FHIT: variants seen among roughly 807,000 people sequenced by gnomAD.
The protein encoded by FHIT is fragile histidine triad diadenosine triphosphatase.
FHIT carries 19 observed loss-of-function variants against 17.9 expected under a neutral mutation model. The ratio of observed to expected loss-of-function variants is 1.06; its 90% confidence interval spans 0.74 to 1.56. The LOEUF (loss-of-function observed/expected upper bound fraction) is 1.56. Ranked by LOEUF, FHIT falls within the 40% of genes most tolerant of loss-of-function variation. The probability of loss-of-function intolerance (pLI) is 0.00; values close to 1 mark genes in which losing one functional copy is unlikely to be tolerated. For synonymous variants in FHIT, 81 were observed against 69.7 expected, an observed-to-expected ratio of 1.16 and a Z score of -0.81; for missense variants, 248 against 189.2, an observed-to-expected ratio of 1.31 and a Z score of -1.82.
chr3:61,235,339 G>A (rs1471184370), intron 1 of FHIT, among the ~76,000 whole-genome samples: 2 of 151,936 alleles, frequency 1.3e-5, no homozygotes, highest in Admixed American at 1.3e-4. Context: ...GATAATACAA[G>A]TATCGACTCC....
chr3:60,939,353 A>T (rs1407692134), intron 3 of FHIT, among the ~76,000 whole-genome samples: 1 of 152,176 alleles, frequency 6.6e-6, no homozygotes, highest in Non-Finnish European at 1.5e-5. Flanking sequence ...TGCTCTCATC[A>T]TTAACAGCAG....
intron 8 of FHIT, among the ~76,000 whole-genome samples, chr3:59,845,893 T>C (rs749164791): frequency 1.1e-4 from 16 of 152,178 alleles, no homozygotes; most frequent in Non-Finnish European, 2.1e-4. Context: ...CTGATATTAG[T>C]ATAGCCAACT....
intron 5 of FHIT, among the ~76,000 whole-genome samples, chr3:60,071,356 A>G (rs577310194): frequency 6.6e-5 from 10 of 152,300 alleles, no homozygotes; most frequent in Admixed American, 6.5e-4. Flanking sequence ...AATTTCTTTT[A>G]CTTTTTATGG....
chr3:60,096,785 G>C (rs1703967872), intron 5 of FHIT, among the ~76,000 whole-genome samples: 1 of 152,074 alleles, frequency 6.6e-6, no homozygotes, highest in Non-Finnish European at 1.5e-5. Context: ...GAGTGTCATG[G>C]AATGTTTACA....
intron 5 of FHIT, among the ~76,000 whole-genome samples, chr3:60,421,281 T>C (rs932655981): frequency 2.0e-5 from 3 of 152,128 alleles, no homozygotes; most frequent in Non-Finnish European, 2.9e-5. Flanking sequence ...ACTGATTTAC[T>C]GTATCTAATC....
chr3:61,239,529 A>G (rs1028556875), intron 1 of FHIT, among the ~76,000 whole-genome samples: 1 of 152,032 alleles, frequency 6.6e-6, no homozygotes, highest in East Asian at 1.9e-4. Flanking sequence ...TTATCTCAAT[A>G]GGTTACTCAT....
At chr3:60,989,155 CATT>C (rs1422492820) in intron 3 of FHIT, among the ~76,000 whole-genome samples, 1 of 151,854 alleles carries the variant, frequency 6.6e-6, no homozygotes, top group Non-Finnish European at 1.5e-5. Flanking sequence ...TCTTCTAAGA[CATT>C]ATTTATTTAT....
intron 3 of FHIT, among the ~76,000 whole-genome samples, chr3:60,961,055 T>G (rs548639868): frequency 6.6e-6 from 1 of 152,344 alleles, no homozygotes; most frequent in African/African-American, 2.4e-5. Context: ...ACCAACAGTG[T>G]AAAAGTTTTC....
At chr3:61,201,204 G>A (rs17064638) in intron 1 of FHIT, among the ~76,000 whole-genome samples, 5,673 of 152,258 alleles carry the variant, frequency 0.037, 125 homozygotes, top group Admixed American at 0.067. Flanking sequence ...GTAGACTGCA[G>A]CCTTCTCTCG....
chr3:59,922,097 G>T (rs1242396953), intron 8 of FHIT, among the ~76,000 whole-genome samples: 2 of 152,094 alleles, frequency 1.3e-5, no homozygotes, highest in Non-Finnish European at 2.9e-5. Flanking sequence ...TAAATGACAG[G>T]ATAGAAATCA....
chr3:59,898,018 T>C (rs1202274377), intron 8 of FHIT, among the ~76,000 whole-genome samples: 4 of 152,080 alleles, frequency 2.6e-5, no homozygotes, highest in Non-Finnish European at 4.4e-5. Context: ...CTGCCCGCCT[T>C]GGCCTCCCAA....
At chr3:60,366,307 T>C (rs1433118361) in intron 5 of FHIT, among the ~76,000 whole-genome samples, 2 of 152,080 alleles carry the variant, frequency 1.3e-5, no homozygotes, top group Non-Finnish European at 2.9e-5. Flanking sequence ...TCATGAGTAG[T>C]AGAGATAGGG....
At chr3:60,136,077 G>C (rs548213551) in intron 5 of FHIT, among the ~76,000 whole-genome samples, 1 of 152,122 alleles carries the variant, frequency 6.6e-6, no homozygotes, top group South Asian at 2.1e-4. Flanking sequence ...ACAGAGTCTA[G>C]ACTTGCTCAT....
chr3:60,893,038 G>A (rs1553761043), intron 3 of FHIT, among the ~76,000 whole-genome samples: 2 of 152,144 alleles, frequency 1.3e-5, no homozygotes, highest in African/African-American at 4.8e-5. Context: ...TGGCACCTTG[G>A]CATTTTGAAT....
At chr3:60,030,384 A>T (rs1275922638) in intron 5 of FHIT, among the ~76,000 whole-genome samples, 3 of 152,162 alleles carry the variant, frequency 2.0e-5, no homozygotes, top group African/African-American at 7.2e-5. Flanking sequence ...CTGGTCCAGA[A>T]GCTCTTTAAA....
intron 2 of FHIT, among the ~76,000 whole-genome samples, chr3:61,172,591 T>A (rs2038037829): frequency 6.6e-6 from 1 of 152,214 alleles, no homozygotes; most frequent in Non-Finnish European, 1.5e-5. Context: ...CATTGAAGAA[T>A]TCCTAAAAAG....
At chr3:60,189,306 T>C (rs1310518946) in intron 5 of FHIT, among the ~76,000 whole-genome samples, 1 of 152,192 alleles carries the variant, frequency 6.6e-6, no homozygotes, top group Non-Finnish European at 1.5e-5. Context: ...GATTTTTTTG[T>C]ATTATTCATC....
intron 2 of FHIT, among the ~76,000 whole-genome samples, chr3:61,151,732 TG>T (rs2037398314): frequency 6.6e-6 from 1 of 152,012 alleles, no homozygotes; most frequent in African/African-American, 2.4e-5. Flanking sequence ...CAAGCTTGGC[TG>T]ATTTTTGTAT....
At chr3:60,011,134 T>C (rs1446011009) in intron 7 of FHIT, among the ~76,000 whole-genome samples, 1 of 151,358 alleles carries the variant, frequency 6.6e-6, no homozygotes, top group African/African-American at 2.4e-5. Flanking sequence ...AGTTTCTGTT[T>C]TAGCGTTTGC....
Sources: allele counts gnomAD v4.1 joint callset (sites outside exome capture counted in the v4.1 genomes callset), GRCh38; gene constraint gnomAD v4.1.1; transcripts MANE v1.5; gene names NCBI Gene and HGNC (gene_info 2026-07-23, HGNC 2026-07-21).